The following ELMO1 variants were observed in gnomAD, a reference collection of about 807,000 sequenced individuals.
The protein encoded by ELMO1 is engulfment and cell motility 1.
Under a neutral mutation model 98.9 loss-of-function variants are expected in ELMO1, and 26 were observed. The ratio of observed to expected loss-of-function variants is 0.26; its 90% CI spans 0.19 to 0.36. The LOEUF (loss-of-function observed/expected upper bound fraction) is 0.36. ELMO1 is among the 10% of genes least tolerant of loss of function. The pLI is 1.00. For missense variants in ELMO1, 627 were observed against 935.2 expected, an observed-to-expected ratio of 0.67 and a Z score of 4.30; for synonymous variants, 346 against 346.0, an observed-to-expected ratio of 1.00 and a Z score of 0.00.
chr7:37,396,220 T>C (rs1428146339), intron 1 of ELMO1, among the ~76,000 whole-genome samples: 1 of 152,106 alleles, frequency 6.6e-6, no homozygotes, highest in African/African-American at 2.4e-5. Context: ...GTAGACATAA[T>C]GATAAGCTCA....
intron 5 of ELMO1, chr7:37,271,605 C>T (rs189551368): frequency 4.6e-5 from 23 of 499,946 alleles, no homozygotes; most frequent in African/African-American, 7.9e-5. Flanking sequence ...TATCCTGGGC[C>T]GCAGGTTAGA....
intron 1 of ELMO1, among the ~76,000 whole-genome samples, chr7:37,409,059 G>C (rs556450749): frequency 4.0e-5 from 6 of 151,044 alleles, no homozygotes; most frequent in Non-Finnish European, 8.8e-5. Flanking sequence ...AAAGCACAGA[G>C]TTCAGAACAA....
chr7:37,166,927 T>C (rs567765793), intron 13 of ELMO1, among the ~76,000 whole-genome samples: 1 of 152,192 alleles, frequency 6.6e-6, no homozygotes, highest in South Asian at 2.1e-4. Flanking sequence ...TGTCTAATGT[T>C]GACAGTGGGG....
At chr7:37,418,410 A>G (rs1180176142) in intron 1 of ELMO1, among the ~76,000 whole-genome samples, 1 of 152,182 alleles carries the variant, frequency 6.6e-6, no homozygotes, top group Non-Finnish European at 1.5e-5. Flanking sequence ...ACAGTACTCC[A>G]AGCAGTTAGC....
At chr7:36,906,022 A>G (rs1317961729) in intron 16 of ELMO1, among the ~76,000 whole-genome samples, 1 of 152,244 alleles carries the variant, frequency 6.6e-6, no homozygotes, top group African/African-American at 2.4e-5. Flanking sequence ...GAGATTTGAT[A>G]AACTTTTCCT....
Position 36,894,241 on chromosome 7 carries a change from T to C in ELMO1, c.1601+613A>G, listed in dbSNP as rs1485281611. 1.5e-4 allele frequency among the ~76,000 whole-genome samples: 23 copies of C among 152,192 alleles called. 1 individual carries two copies. The highest frequency in any genetic ancestry group is 1.5e-3 in the Admixed American group (23 of 15,286). On this transcript the variant is annotated intron_variant, in intron 17 of 21. Transcript: ENST00000310758. ...TTCAAAGATTGGAATACATGACATTTTGCAATGGTTGCAAGTGGCATTCCT... is the reference window on the plus strand; with the variant it reads ...TTCAAAGATTGGAATACATGACATTCTGCAATGGTTGCAAGTGGCATTCCT...
rs563441014 is a variant in ELMO1, at chr7:37,126,048, C to CA, written c.1191+7081dup. The stretch of plus-strand genomic sequence containing the variant: ...CATTCTCAGCAAACTATTGCAAGGA[C>CA]AAAAAACCAAACATCGCATGTTCTC... On this transcript the variant is annotated intron_variant, in intron 14 of 21. Transcript: ENST00000310758. 1.6e-3 allele frequency among the ~76,000 whole-genome samples: 246 copies of CA among 151,670 alleles called. 1 individual carries two copies. Among genetic ancestry groups the CA allele is most frequent in the African/African-American group, 5.5e-3 (229 of 41,352 alleles).
At chr7:36,904,534 G>T (rs1228971201) in intron 16 of ELMO1, among the ~76,000 whole-genome samples, 3 of 152,186 alleles carry the variant, frequency 2.0e-5, no homozygotes, top group African/African-American at 7.2e-5. Flanking sequence ...CTCACTGGGT[G>T]TTGTCCCACT....
chr7:37,395,446 T>C (rs1457791899), intron 1 of ELMO1, among the ~76,000 whole-genome samples: 2 of 149,982 alleles, frequency 1.3e-5, no homozygotes, highest in Non-Finnish European at 3.0e-5. Context: ...GCTTCCCTAA[T>C]CATTTCCAGT....
intron 15 of ELMO1, among the ~76,000 whole-genome samples, chr7:37,057,908 T>C (rs1562972958): frequency 6.6e-6 from 1 of 152,266 alleles, no homozygotes; most frequent in Non-Finnish European, 1.5e-5. Context: ...TTGTGTCAGC[T>C]AACACCATTT....
intron 10 of ELMO1, chr7:37,217,846 T>C (rs753280278): frequency 3.3e-5 from 15 of 455,286 alleles, no homozygotes; most frequent in Non-Finnish European, 6.2e-5. Context: ...GGTTGACCAC[T>C]GTATTTGAAC....
chr7:37,281,144 A>G (rs1797116674), intron 4 of ELMO1, among the ~76,000 whole-genome samples: 1 of 151,822 alleles, frequency 6.6e-6, no homozygotes, highest in Admixed American at 6.6e-5. Context: ...AAAAACAAAC[A>G]TCGTATGTCC....
chr7:37,116,081 G>T (rs970504433), intron 14 of ELMO1, among the ~76,000 whole-genome samples: 3 of 152,134 alleles, frequency 2.0e-5, no homozygotes, highest in African/African-American at 7.2e-5. Flanking sequence ...AATTAAAAAG[G>T]CAGAGAGGTC....
At chr7:37,237,509 CA>C (rs1794539554) in intron 7 of ELMO1, among the ~76,000 whole-genome samples, 1 of 152,172 alleles carries the variant, frequency 6.6e-6, no homozygotes, top group Non-Finnish European at 1.5e-5. Context: ...AGGCTGGCCT[CA>C]AACTCCTGAC....
At chr7:36,881,663 G>A (rs556779367) in intron 18 of ELMO1, among the ~76,000 whole-genome samples, 16 of 152,212 alleles carry the variant, frequency 1.1e-4, no homozygotes, top group South Asian at 8.3e-4. Context: ...TCTTGCGTGC[G>A]TGTGCGTGTG....
chr7:36,861,940 T>C (rs892796349), intron 20 of ELMO1: 3 of 590,552 alleles, frequency 5.1e-6, no homozygotes, highest in Non-Finnish European at 6.1e-6. Flanking sequence ...CTGTGAACTA[T>C]CTCATTTAAT....
intron 16 of ELMO1, among the ~76,000 whole-genome samples, chr7:36,964,371 T>C (rs937923964): frequency 3.3e-5 from 5 of 152,222 alleles, no homozygotes; most frequent in Admixed American, 2.6e-4. Flanking sequence ...ACGTAAAGTA[T>C]ATTTTATAAT....
intron 16 of ELMO1, among the ~76,000 whole-genome samples, chr7:36,912,908 T>C (rs1784437301): frequency 6.6e-6 from 1 of 152,238 alleles, no homozygotes; most frequent in Non-Finnish European, 1.5e-5. Context: ...TTCCTCTGTT[T>C]TTCTGTATAT....
chr7:37,045,356 G>C (rs1386395713), intron 15 of ELMO1, among the ~76,000 whole-genome samples: 2 of 152,132 alleles, frequency 1.3e-5, no homozygotes, highest in Admixed American at 1.3e-4. Context: ...TGTTTTTCTT[G>C]AACTGGACTG....
Sources: gnomAD v4.1 joint callset for allele counts (sites outside exome capture counted in the v4.1 genomes callset) on GRCh38, gnomAD v4.1.1 for gene constraint, MANE v1.5 for transcripts, NCBI Gene and HGNC (gene_info 2026-07-23, HGNC 2026-07-21) for gene names.